AMPH: variants seen among roughly 807,000 people sequenced by gnomAD.
AMPH encodes amphiphysin (Stiff-Mann syndrome with breast cancer 128kD autoantigen).
AMPH carries 49 observed loss-of-function variants against 99.1 expected under a neutral mutation model. That is an observed-to-expected ratio of 0.49 (90% CI 0.39 to 0.63). The LOEUF (loss-of-function observed/expected upper bound fraction) is 0.63. Ranked by LOEUF, AMPH falls within the 20% of genes least tolerant of loss-of-function variation. The probability of loss-of-function intolerance (pLI) is 0.00; values close to 1 mark genes in which losing one functional copy is unlikely to be tolerated. For missense variants in AMPH, 759 were observed against 863.4 expected (o/e 0.88, Z 1.52); for synonymous variants, 314 against 317.3 (o/e 0.99, Z 0.11).
chr7:38,389,960 C>T, intron 19 of AMPH, 55 bp from the exon 20 acceptor site: 1 of 1,346,956 alleles, frequency 7.4e-7, no homozygotes, highest in South Asian at 1.2e-5. Flanking sequence ...TTCAAGCAGA[C>T]ACTCTTACAA....
At chr7:38,451,775 A>G (rs947004484) in intron 11 of AMPH, among the ~76,000 whole-genome samples, 1 of 152,192 alleles carries the variant, frequency 6.6e-6, no homozygotes, top group South Asian at 2.1e-4. Flanking sequence ...ATGCTGTTTT[A>G]AAAGAATAAT....
chr7:38,619,690 C>T (rs907220493), intron 1 of AMPH, among the ~76,000 whole-genome samples: 18 of 152,334 alleles, frequency 1.2e-4, no homozygotes, highest in Admixed American at 1.0e-3. Flanking sequence ...TCTCCACCTA[C>T]AATGGATTCA....
chr7:38,469,055 G>A (rs1219629364), intron 7 of AMPH, among the ~76,000 whole-genome samples: 1 of 112,118 alleles, frequency 8.9e-6, no homozygotes, highest in African/African-American at 3.7e-5. Context: ...TCGGGAGGCT[G>A]AGGCAGGAGA....
intron 1 of AMPH, among the ~76,000 whole-genome samples, chr7:38,608,713 T>C (rs934863974): frequency 2.6e-4 from 39 of 152,284 alleles, no homozygotes; most frequent in Middle Eastern, 6.8e-3. Flanking sequence ...GAAGTGATGG[T>C]GGAAGGCCTG....
chr7:38,489,074 A>G (rs1435395075), intron 5 of AMPH, among the ~76,000 whole-genome samples: 1 of 152,206 alleles, frequency 6.6e-6, no homozygotes, highest in Non-Finnish European at 1.5e-5. Flanking sequence ...TAGAGGCATT[A>G]CACTTCTTAT....
intron 2 of AMPH, among the ~76,000 whole-genome samples, chr7:38,516,922 G>C (rs1249888099): frequency 1.3e-5 from 2 of 152,224 alleles, no homozygotes; most frequent in Non-Finnish European, 2.9e-5. Context: ...CTGGGTTTCA[G>C]ACTTGCATGG....
chr7:38,479,714 G>C (rs1788219988), intron 5 of AMPH, among the ~76,000 whole-genome samples: 1 of 151,876 alleles, frequency 6.6e-6, no homozygotes, highest in South Asian at 2.1e-4. Flanking sequence ...TGTTAAAGAT[G>C]TATATTATAC....
chr7:38,582,780 C>T (rs759714309), intron 1 of AMPH, among the ~76,000 whole-genome samples: 11 of 152,152 alleles, frequency 7.2e-5, no homozygotes, highest in Admixed American at 6.5e-5. Context: ...ACATCGGGGA[C>T]GCACAGGGTC....
intron 11 of AMPH, among the ~76,000 whole-genome samples, chr7:38,451,452 T>A (rs1787033599): frequency 6.6e-6 from 1 of 151,920 alleles, no homozygotes; most frequent in African/African-American, 2.4e-5. Context: ...TGATCTCTTG[T>A]TAGAATCATA....
At chr7:38,385,031 G>A in intron 20 of AMPH, 106 bp from the exon 21 acceptor site, 1 of 1,004,172 alleles carries the variant, frequency 1.0e-6, no homozygotes, top group Non-Finnish European at 1.5e-6. Context: ...TTCTGAACCA[G>A]GATGTCACAT....
At chr7:38,439,215 CT>C (rs1786409918) in intron 11 of AMPH, among the ~76,000 whole-genome samples, 2 of 152,226 alleles carry the variant, frequency 1.3e-5, no homozygotes, top group South Asian at 4.1e-4. Flanking sequence ...TCAATGAAAC[CT>C]TTTTTTCTTT....
At chr7:38,519,545 A>T (rs1199622191) in intron 2 of AMPH, among the ~76,000 whole-genome samples, 1 of 152,230 alleles carries the variant, frequency 6.6e-6, no homozygotes, top group Non-Finnish European at 1.5e-5. Context: ...CATAACTTGG[A>T]CTTAAAGACA....
intron 13 of AMPH, among the ~76,000 whole-genome samples, chr7:38,430,252 T>C (rs1785957044): frequency 6.6e-6 from 1 of 152,208 alleles, no homozygotes; most frequent in Non-Finnish European, 1.5e-5. Context: ...TTTGACACAG[T>C]ATCAGAAGAA....
intron 3 of AMPH, among the ~76,000 whole-genome samples, chr7:38,502,794 C>T (rs555382916): frequency 1.3e-5 from 2 of 152,156 alleles, no homozygotes; most frequent in Non-Finnish European, 2.9e-5. Context: ...GGTGCCATCC[C>T]TACTGAAGTT....
At chr7:38,440,320 G>T (rs1485162479) in intron 11 of AMPH, among the ~76,000 whole-genome samples, 1 of 152,122 alleles carries the variant, frequency 6.6e-6, no homozygotes, top group Non-Finnish European at 1.5e-5. Context: ...TATGCCCCTT[G>T]AAAATACTTT....
At chr7:38,530,373 A>G (rs565824372) in intron 2 of AMPH, among the ~76,000 whole-genome samples, 1 of 152,288 alleles carries the variant, frequency 6.6e-6, no homozygotes, top group African/African-American at 2.4e-5. Context: ...ATATTACACA[A>G]AAGTTAGCCT....
At chr7:38,385,458 T>C (rs1784326049) in intron 20 of AMPH, among the ~76,000 whole-genome samples, 1 of 152,220 alleles carries the variant, frequency 6.6e-6, no homozygotes, top group African/African-American at 2.4e-5. Flanking sequence ...CCCCAGCTCA[T>C]ATCCTATAAC....
intron 2 of AMPH, among the ~76,000 whole-genome samples, chr7:38,530,601 A>G (rs572532564): frequency 6.6e-6 from 1 of 152,216 alleles, no homozygotes; most frequent in East Asian, 1.9e-4. Flanking sequence ...CCCTCAAGGT[A>G]TCTTCTTTTA....
intron 11 of AMPH, among the ~76,000 whole-genome samples, chr7:38,444,801 T>C (rs1021708869): frequency 2.6e-5 from 4 of 151,920 alleles, no homozygotes; most frequent in Non-Finnish European, 5.9e-5. Context: ...GAAGTTCATA[T>C]GGAAATTCAA....
Sources: gnomAD v4.1 joint callset for allele counts (sites outside exome capture counted in the v4.1 genomes callset) on GRCh38, gnomAD v4.1.1 for gene constraint, MANE v1.5 for transcripts, NCBI Gene and HGNC (gene_info 2026-07-23, HGNC 2026-07-21) for gene names.